The following PHKA1 variants were observed in gnomAD, a reference collection of about 807,000 sequenced individuals.
The protein encoded by PHKA1 is phosphorylase b kinase regulatory subunit alpha, skeletal muscle isoform.
A neutral mutation model predicts 110.2 loss-of-function variants in PHKA1; 60 were observed. That is an observed-to-expected ratio of 0.54 (90% CI 0.44 to 0.68). The LOEUF (loss-of-function observed/expected upper bound fraction) is 0.68. Ranked by LOEUF, PHKA1 falls within the 30% of genes least tolerant of loss-of-function variation. PHKA1 has a pLI of 0.00. For synonymous variants in PHKA1, 316 were observed against 333.6 expected (o/e 0.95, Z 0.58); for missense variants, 801 against 942.5 (o/e 0.85, Z 1.97).
rs1319591060 is a variant in PHKA1 at position 72,580,428 on chromosome X, T to C, written c.*574A>G. On this transcript the variant is annotated 3_prime_UTR_variant, in exon 32 of 32. Transcript: ENST00000373542. ...CATAGAAACAATTTTAAATTATCAC[T>C]CAGTGTGAAGCAACCTGTAAGTAAG... 5.2e-5 allele frequency: 6 copies of C among 114,635 alleles called. No individual in the cohort carries two copies. The highest frequency in any genetic ancestry group is 1.9e-4 in the African/African-American group (6 of 30,895). The allele number at this position is 114,635 out of a possible 1,213,427, so 9.4% of individuals were successfully genotyped here. A position where few individuals can be genotyped will look rare whatever the true frequency, so the allele number is the denominator to read the frequency against.
At chrX:72,599,704 T>C (rs2052633098) in intron 28 of PHKA1, 3 of 379,228 alleles carry the variant, frequency 7.9e-6, no homozygotes, top group Non-Finnish European at 1.4e-5. Flanking sequence ...TTTATACTTA[T>C]TTTAATTCTT....
intron 29 of PHKA1, among the ~76,000 whole-genome samples, chrX:72,589,590 A>G (rs1250616655): frequency 1.8e-5 from 2 of 111,127 alleles, no homozygotes; most frequent in African/African-American, 6.5e-5. Context: ...CAATCAGACA[A>G]GAGGAAGAAA....
intron 5 of PHKA1, among the ~76,000 whole-genome samples, chrX:72,683,297 A>G (rs1319881159): frequency 9.0e-6 from 1 of 111,225 alleles, no homozygotes; most frequent in Non-Finnish European, 1.9e-5. Context: ...AATTAGCTGG[A>G]TGTGGTGGCG....
intron 13 of PHKA1, among the ~76,000 whole-genome samples, chrX:72,647,316 G>A (rs1420595620): frequency 1.8e-5 from 2 of 111,366 alleles, no homozygotes; most frequent in African/African-American, 6.5e-5. Context: ...ATTTACTTGT[G>A]TAACTGGGAG....
rs1556299898 is a variant in PHKA1 at position 72,653,458 on chromosome X, G to T, written c.1114C>A (p.Leu372Met). Residue 372 changes from leucine (L) to methionine (M), a missense_variant, in exon 11 of 32, where the codon CTG (leucine) becomes ATG (methionine). Coordinates refer to ENST00000373542, the MANE Select transcript of PHKA1 (RefSeq NM_002637.4). ...ACCCTGTCAGGAGGAACACTGTACAGCTCTGGCAGAAGTGGGACTCCATTT... is the reference window on the plus strand; with the variant it reads ...ACCCTGTCAGGAGGAACACTGTACATCTCTGGCAGAAGTGGGACTCCATTT... ...GKNGVPLLPE[L>M]YSVPPDRVDE... The T allele has an allele frequency of 8.3e-7, 1 of 1,204,179 alleles. No individual in the cohort carries two copies.
At chrX:72,601,633 T>C (rs1206525266) in intron 28 of PHKA1, among the ~76,000 whole-genome samples, 1 of 110,819 alleles carries the variant, frequency 9.0e-6, no homozygotes, top group African/African-American at 3.3e-5. Flanking sequence ...TACAAGGAAG[T>C]GCACAAATGG....
intron 16 of PHKA1, among the ~76,000 whole-genome samples, chrX:72,630,218 C>T (rs954998009): frequency 7.7e-5 from 8 of 103,873 alleles, no homozygotes; most frequent in African/African-American, 2.5e-4. Context: ...TGCCATTGCA[C>T]TCCAGGCTGG....
At chrX:72,585,207 A>T (rs2147644428) in intron 29 of PHKA1, among the ~76,000 whole-genome samples, 1 of 111,147 alleles carries the variant, frequency 9.0e-6, no homozygotes, top group African/African-American at 3.3e-5. Flanking sequence ...AATGGTGCAC[A>T]CCTGATTTGA....
intron 14 of PHKA1, among the ~76,000 whole-genome samples, chrX:72,639,278 A>T (rs1342647700): frequency 8.9e-6 from 1 of 111,965 alleles, no homozygotes; most frequent in East Asian, 2.8e-4. Flanking sequence ...TCACGCCTGT[A>T]ATTCCAGCAC....
Position 72,705,223 on chromosome X carries a change from C to A in PHKA1, c.260G>T (p.Gly87Val). Residue 87 changes from glycine (G) to valine (V), a missense_variant, in exon 3 of 32, where the codon GGA (glycine) becomes GTA (valine). By Grantham distance (109) the Gly-to-Val change is moderately radical (BLOSUM62 -3). Transcript: ENST00000373542. ...LEQSVVKLMR[G>V]LLHCMIRQVD... ...CTGTCTGATCATGCAGTGCAGTAGT[C>A]CTCTCATCAGCTTCACTACACTCTG... 8.4e-7 allele frequency: 1 copy of A among 1,195,365 alleles called. No individual in the cohort carries two copies. The highest frequency in any genetic ancestry group is 1.8e-5 in the South Asian group (1 of 56,510).
intron 26 of PHKA1, 66 bp from the exon 27 acceptor site, chrX:72,602,339 AT>A: frequency 1.5e-6 from 1 of 677,754 alleles, no homozygotes; most frequent in Non-Finnish European, 2.4e-6. Context: ...TCCCCATCAC[AT>A]TTAAAAAAAA....
At position 72,652,598 on chromosome X, in the gene PHKA1, T is replaced by C; in HGVS notation, c.1191A>G (p.Lys397=). 14 of 1,198,309 alleles carry C rather than the reference T, an allele frequency of 1.2e-5. No individual in the cohort carries two copies. Among genetic ancestry groups the C allele is most frequent in the Non-Finnish European group, 1.6e-5 (14 of 883,519 alleles). Residue 397 remains lysine (K), a synonymous_variant, in exon 12 of 32, where the codon AAA becomes AAG. Coordinates refer to ENST00000373542, the MANE Select transcript of PHKA1 (RefSeq NM_002637.4). ...PHTVDRVPMG[K]LPHMWGQSLY... is the part of the protein sequence containing the mutation. ...GAGACTGACCCCACATGTGAGGCAA[T>C]TTCCCCATGGGGACTCGGTCCACAG...
intron 23 of PHKA1, 55 bp downstream of exon 23, chrX:72,609,569 C>A: frequency 3.5e-6 from 3 of 855,382 alleles, no homozygotes; most frequent in South Asian, 2.0e-5. Flanking sequence ...CAAGGGAATT[C>A]TAAGTCCACA....
intron 18 of PHKA1, chrX:72,621,958 C>A (rs1464653648): frequency 4.1e-6 from 3 of 736,747 alleles, no homozygotes; most frequent in Non-Finnish European, 4.8e-6. Context: ...TTTAGTAATC[C>A]AATGGAATGA....
chrX:72,667,193 T>C (rs782261100), intron 7 of PHKA1, among the ~76,000 whole-genome samples, 182 bp downstream of exon 7: 2 of 112,687 alleles, frequency 1.8e-5, no homozygotes, highest in African/African-American at 3.2e-5. Flanking sequence ...ATCTATTTTA[T>C]AGCCCATGCT....
At chrX:72,619,588 G>A (rs892337532) in intron 19 of PHKA1, among the ~76,000 whole-genome samples, 20 of 112,141 alleles carry the variant, frequency 1.8e-4, no homozygotes, top group Admixed American at 9.4e-5. Flanking sequence ...ACGATGGTGC[G>A]TTCACTGATA....
intron 2 of PHKA1, chrX:72,709,328 A>C (rs969551346): frequency 2.8e-5 from 3 of 108,700 alleles, no homozygotes; most frequent in Admixed American, 2.0e-4. Context: ...GACTGTATCT[A>C]TATACCTTAG....
At position 72,667,445 on chromosome X, in the gene PHKA1, T is replaced by C. The variant is rs1556306926; in HGVS notation, c.647A>G (p.Asp216Gly). ...KAALEALDEL[D>G]LFGVKGGPQS... ...AGGCCCACCTTTCACACCAAACAGA[T>C]CCAGTTCATCTAATGCTTCCAGGGC... The change falls in exon 7 of 32, where the codon GAT becomes GGT. Residue 216 changes from aspartate (D) to glycine (G), a missense_variant. By Grantham distance (94) the Asp-to-Gly change is moderately conservative. Transcript: ENST00000373542. 2 of 1,208,341 alleles carry C rather than the reference T, an allele frequency of 1.7e-6. No individual in the cohort carries two copies. The highest frequency in any genetic ancestry group is 3.5e-5 in the African/African-American group (2 of 57,188).
rs537549142 is a variant in PHKA1, at chrX:72,582,637, A to G, written c.3298-39T>C. 1.0e-4 allele frequency: 93 copies of G among 911,464 alleles called. 3 individuals are homozygous for G. The South Asian group carries it at 1.7e-3, about 17-fold the overall frequency. The allele number at this position is 911,464 out of a possible 1,213,427, so 75.1% of individuals were successfully genotyped here. A position where few individuals can be genotyped will look rare whatever the true frequency, so the allele number is the denominator to read the frequency against. ...AAAGAAAATCACTTCCTAAGAGTCC[A>G]TCATCCAAGAAACATCAATCACCTG... On this transcript the variant is annotated intron_variant, in intron 30 of 31. Coordinates refer to ENST00000373542, the MANE Select transcript of PHKA1 (RefSeq NM_002637.4).
Sources: allele counts gnomAD v4.1 joint callset (sites outside exome capture counted in the v4.1 genomes callset), GRCh38; gene constraint gnomAD v4.1.1; transcripts MANE v1.5; gene names NCBI Gene and HGNC (gene_info 2026-07-23, HGNC 2026-07-21).